The following C17orf75 variants were observed in gnomAD, a reference collection of about 807,000 sequenced individuals.
The protein encoded by C17orf75 is protein Njmu-R1.
Under a neutral mutation model 49.6 loss-of-function variants are expected in C17orf75, and 32 were observed. The ratio of observed to expected loss-of-function variants is 0.65; its 90% confidence interval spans 0.49 to 0.87. The LOEUF (loss-of-function observed/expected upper bound fraction) is 0.87. Ranked by LOEUF, C17orf75 falls within the 40% of genes least tolerant of loss-of-function variation. The pLI, the probability that C17orf75 is intolerant of heterozygous loss-of-function variation, is 0.00. For missense variants in C17orf75, 428 were observed against 473.9 expected (o/e 0.90, Z 0.90); for synonymous variants, 158 against 159.5 (o/e 0.99, Z 0.07).
intron 1 of C17orf75, 38 bp from the exon 2 acceptor site, chr17:32,341,322 G>A (rs2041378658): frequency 6.2e-7 from 1 of 1,606,982 alleles, no homozygotes; most frequent in Non-Finnish European, 8.5e-7. Context: ...TCAATTATGG[G>A]CTCTAAACCA....
At position 32,334,837 on chromosome 17, in the gene C17orf75, A is replaced by C. The variant is rs914688025; in HGVS notation, c.672T>G (p.Ala224=). ...QEKLTFLLHA[A]LSYTPVEVKE... is the part of the protein sequence containing the mutation. ...TAACTTCAACAGGAGTGTAACTCAAAGCCTATGAGAGAAAAATAAAGCCTG... is the reference window on the plus strand; with the variant it reads ...TAACTTCAACAGGAGTGTAACTCAACGCCTATGAGAGAAAAATAAAGCCTG... The change falls in exon 7 of 10, where the codon GCT becomes GCG. Residue 224 remains alanine, a splice_region_variant and synonymous_variant. Coordinates refer to ENST00000577809, the MANE Select transcript of C17orf75 (RefSeq NM_022344.4). The C allele has an allele frequency of 6.2e-7, 1 of 1,605,460 alleles. No individual in the cohort carries two copies. Among genetic ancestry groups the C allele is most frequent in the Non-Finnish European group, 8.5e-7 (1 of 1,176,492 alleles).
intron 3 of C17orf75, among the ~76,000 whole-genome samples, chr17:32,338,669 C>T (rs187429810): frequency 2.0e-5 from 3 of 152,348 alleles, no homozygotes; most frequent in East Asian, 3.9e-4. Flanking sequence ...GTTCTCCCCT[C>T]TCCCAAAGCT....
chr17:32,341,224 A>G lies in C17orf75; in HGVS notation c.201T>C (p.Thr67=). The part of the protein sequence containing the change: ...DGSPSGTNAE[T]PSGDDFSLSL... ...TTTACCTGAAATCATCACCAGAGGG[A>G]GTTTCTGCATTTGTGCCACTTGGGC... is the stretch of plus-strand genomic sequence containing the variant. The change falls in exon 2 of 10, where the codon ACT becomes ACC. Residue 67 remains threonine (T), a synonymous_variant. Transcript: ENST00000577809. 6.2e-7 allele frequency: 1 copy of G among 1,613,906 alleles called. No homozygotes were observed. Among genetic ancestry groups the G allele is most frequent in the Non-Finnish European group, 8.5e-7 (1 of 1,179,878 alleles).
At chr17:32,349,879 T>G (rs2041467796) in intron 1 of C17orf75, 23 of 1,033,264 alleles carry the variant, frequency 2.2e-5, no homozygotes, top group Non-Finnish European at 2.7e-5. Flanking sequence ...CGGCCCTAAC[T>G]GCACTGGCAA....
At position 32,349,880 on chromosome 17, in the gene C17orf75, G is replaced by A. The variant is rs536154837; in HGVS notation, c.-7+62C>T. ...TCTTTATTTGTGATCGGCCCTAACT[G>A]CACTGGCAATCTTTTCCGTTTTTTT... On this transcript the variant is annotated intron_variant, in intron 1 of 8. Transcript: ENST00000583774. 2.1e-4 allele frequency: 214 copies of A among 1,031,908 alleles called. 1 individual carries two copies. The African/African-American group carries it at 3.2e-3, about 16-fold the overall frequency. The allele number at this position is 1,031,908 out of a possible 1,614,324, so 63.9% of individuals were successfully genotyped here.
At chr17:32,340,980 T>C (rs1597737970) in intron 2 of C17orf75, 2 of 563,088 alleles carry the variant, frequency 3.6e-6, no homozygotes, top group East Asian at 3.0e-5. Flanking sequence ...AGGATTTCTT[T>C]TTGGCTAATC....
At chr17:32,341,343 G>C (rs1391357839) in intron 1 of C17orf75, 59 bp from the exon 2 acceptor site, 55 of 1,566,998 alleles carry the variant, frequency 3.5e-5, no homozygotes, top group Non-Finnish European at 4.8e-5. Flanking sequence ...AGAGGAGTAT[G>C]GGGGCCTGGC....
Position 32,333,347 on chromosome 17 carries a change from C to T in C17orf75, c.975+70G>A, listed in dbSNP as rs2041294184. 6 of 1,065,786 alleles carry T rather than the reference C, an allele frequency of 5.6e-6. No homozygotes were observed. In the African/African-American group the frequency reaches 6.4e-5, roughly 11 times the overall value. 66.0% of individuals were successfully genotyped at this position (1,065,786 alleles called of 1,614,324 possible). A position where few individuals can be genotyped will look rare whatever the true frequency, so the allele number is the denominator to read the frequency against. On this transcript the variant is annotated intron_variant, in intron 9 of 9. Transcript: ENST00000577809. The stretch of plus-strand genomic sequence containing the variant: ...CACAGCTATAAAGCAATTTGTTACT[C>T]TGTCACTGGTACTAATTAAAATTCA...
chr17:32,341,066 G>A (rs2041375099), intron 2 of C17orf75, 138 bp downstream of exon 2: 1 of 863,150 alleles, frequency 1.2e-6, no homozygotes, highest in African/African-American at 1.7e-5. Flanking sequence ...ATCAGGATGA[G>A]GTTCCTAGGG....
intron 5 of C17orf75, 123 bp downstream of exon 5, chr17:32,337,774 C>A (rs2041339876): frequency 1.4e-6 from 1 of 731,742 alleles, no homozygotes; most frequent in Non-Finnish European, 2.2e-6. Context: ...TCATATTGAC[C>A]AGGCTGGTCT....
chr17:32,347,953 T>C (rs961756704), intron 1 of C17orf75, among the ~76,000 whole-genome samples: 1 of 152,102 alleles, frequency 6.6e-6, no homozygotes, highest in African/African-American at 2.4e-5. Context: ...CAAGCCACCC[T>C]CTTGCCTCAG....
In C17orf75 at chr17:32,342,088, T is replaced by C. The variant is rs1318996993; in HGVS notation, c.52A>G (p.Ser18Gly). ...TCGGCTGAGCCTCCCTCTTCGCTGCTCTCTAGTTCCTTTTCATCTCCATCC... is the reference window on the plus strand; with the variant it reads ...TCGGCTGAGCCTCCCTCTTCGCTGCCCTCTAGTTCCTTTTCATCTCCATCC... ...SMDGDEKELESSEEGGSAEER... is the reference protein window; with the variant it reads ...SMDGDEKELEGSEEGGSAEER... The change falls in exon 1 of 10, where the codon AGC becomes GGC. Residue 18 changes from serine to glycine, a missense_variant. Ser to Gly is a moderately conservative substitution (Grantham distance 56). Coordinates refer to ENST00000577809, the MANE Select transcript of C17orf75 (RefSeq NM_022344.4). 6.3e-7 allele frequency: 1 copy of C among 1,597,380 alleles called. No homozygotes were observed. The highest frequency in any genetic ancestry group is 2.3e-5 in the East Asian group (1 of 43,718).
At chr17:32,347,509 T>C (rs888903452) in intron 1 of C17orf75, among the ~76,000 whole-genome samples, 1 of 152,180 alleles carries the variant, frequency 6.6e-6, no homozygotes, top group African/African-American at 2.4e-5. Context: ...CTCGAACTCC[T>C]GACCTCAGGT....
chr17:32,339,499 A>C (rs554983084), intron 3 of C17orf75, among the ~76,000 whole-genome samples: 1 of 151,610 alleles, frequency 6.6e-6, no homozygotes, highest in African/African-American at 2.4e-5. Context: ...AGGTGAGAGG[A>C]TTGATTAAGC....
intron 5 of C17orf75, among the ~76,000 whole-genome samples, chr17:32,336,348 G>T (rs1015064772): frequency 6.6e-6 from 1 of 152,066 alleles, no homozygotes; most frequent in African/African-American, 2.4e-5. Context: ...CAAGTAGCTG[G>T]GACTACAGGT....
In C17orf75 at chr17:32,331,259, C is replaced by T. The variant is rs931623800; in HGVS notation, c.*504G>A. 1 of 152,824 alleles carries T rather than the reference C, an allele frequency of 6.5e-6. No homozygotes were observed. Among genetic ancestry groups the T allele is most frequent in the African/African-American group, 2.4e-5 (1 of 41,380 alleles). The allele number at this position is 152,824 out of a possible 1,614,324, so 9.5% of individuals were successfully genotyped here. ...TAAAATCTGACTTTATCATCCATGC[C>T]GTTATCAACTAGACAAAAAAATGTA... On this transcript the variant is annotated 3_prime_UTR_variant, in exon 10 of 10. Coordinates refer to ENST00000577809, the MANE Select transcript of C17orf75 (RefSeq NM_022344.4).
chr17:32,342,335 G>A, upstream of C17orf75: 1 of 831,622 alleles, frequency 1.2e-6, no homozygotes, highest in South Asian at 2.9e-5. Context: ...TACTGAGTTC[G>A]CCTTTACTGA....
upstream of C17orf75, among the ~76,000 whole-genome samples, chr17:32,346,707 G>C (rs1354154127): frequency 6.6e-6 from 1 of 152,062 alleles, no homozygotes; most frequent in African/African-American, 2.4e-5. Context: ...CGAGTAGCTG[G>C]AACTACAGGC....
At chr17:32,346,604 C>T (rs536177308), upstream of C17orf75, among the ~76,000 whole-genome samples, 3 of 152,124 alleles carry the variant, frequency 2.0e-5, no homozygotes, top group South Asian at 4.2e-4. Flanking sequence ...GACGCAGTCT[C>T]GCTCTGTTGC....
Sources: gnomAD v4.1 joint callset for allele counts (sites outside exome capture counted in the v4.1 genomes callset) on GRCh38, gnomAD v4.1.1 for gene constraint, MANE v1.5 for transcripts, NCBI Gene and HGNC (gene_info 2026-07-23, HGNC 2026-07-21) for gene names.